RAB27A: variants seen among roughly 807,000 people sequenced by gnomAD.
RAB27A encodes ras-related protein Rab-27A.
A neutral mutation model predicts 20.8 loss-of-function variants in RAB27A; 17 were observed. The ratio of observed to expected loss-of-function variants is 0.82; its 90% CI spans 0.56 to 1.23. The LOEUF is 1.23. RAB27A is among the 50% of genes most tolerant of loss of function. The probability of loss-of-function intolerance (pLI) is 0.00; values close to 1 mark genes in which losing one functional copy is unlikely to be tolerated. For missense variants in RAB27A, 277 were observed against 266.7 expected, an observed-to-expected ratio of 1.04 and a Z score of -0.27; for synonymous variants, 85 against 92.8, an observed-to-expected ratio of 0.92 and a Z score of 0.48.
intron 1 of RAB27A, among the ~76,000 whole-genome samples, chr15:55,286,374 T>C (rs1006163959): frequency 6.6e-6 from 1 of 152,026 alleles, no homozygotes; most frequent in Non-Finnish European, 1.5e-5. Context: ...AAGACAAATG[T>C]TGTGTGTGTG....
At chr15:55,308,778 C>A (rs2055008493) in intron 2 of RAB27A, among the ~76,000 whole-genome samples, 1 of 152,238 alleles carries the variant, frequency 6.6e-6, no homozygotes, top group Non-Finnish European at 1.5e-5. Context: ...CACAAGTCTC[C>A]TTTAGCAGTC....
At chr15:55,247,128 G>A (rs1203806218) in intron 2 of RAB27A, among the ~76,000 whole-genome samples, 1 of 152,036 alleles carries the variant, frequency 6.6e-6, no homozygotes, top group African/African-American at 2.4e-5. Context: ...AGAATGGAGT[G>A]GAAATATTTC....
At chr15:55,251,594 C>G (rs1896892165) in intron 2 of RAB27A, among the ~76,000 whole-genome samples, 1 of 151,960 alleles carries the variant, frequency 6.6e-6, no homozygotes, top group African/African-American at 2.4e-5. Context: ...ATGGATGAAC[C>G]CTCAAAAGTC....
intron 6 of RAB27A, among the ~76,000 whole-genome samples, chr15:55,215,666 G>GTA (rs1895255134): frequency 9.1e-6 from 1 of 110,426 alleles, no homozygotes. Flanking sequence ...AAAAAAAAAA[G>GTA]AGTCATAACC....
rs549663211 is a variant in RAB27A, at chr15:55,215,480, G to A, written c.467+8409C>T. ...ATCCTGGCTAACACGGTGAAACCCCGTCTCTACTAAAAATACAAAAAATTA... is the reference window on the plus strand; with the variant it reads ...ATCCTGGCTAACACGGTGAAACCCCATCTCTACTAAAAATACAAAAAATTA... On this transcript the variant is annotated intron_variant, in intron 6 of 6. Coordinates refer to ENST00000336787, the MANE Select transcript of RAB27A (RefSeq NM_183235.3). 1.1e-3 allele frequency among the ~76,000 whole-genome samples: 161 copies of A among 150,510 alleles called. No homozygotes were observed. The South Asian group carries it at 0.012, about 11-fold the overall frequency.
At chr15:55,207,135 C>T (rs769460612) in intron 6 of RAB27A, among the ~76,000 whole-genome samples, 21 of 152,218 alleles carry the variant, frequency 1.4e-4, no homozygotes, top group Middle Eastern at 3.4e-3. Context: ...ATATAGAAAT[C>T]TCCCAATATT....
chr15:55,209,423 A>G (rs969159396), intron 6 of RAB27A, among the ~76,000 whole-genome samples: 1 of 152,132 alleles, frequency 6.6e-6, no homozygotes, highest in Non-Finnish European at 1.5e-5. Flanking sequence ...TATTTCACAT[A>G]ACATAATGAT....
intron 4 of RAB27A, among the ~76,000 whole-genome samples, chr15:55,229,994 T>G (rs1895967056): frequency 6.6e-6 from 1 of 152,172 alleles, no homozygotes. Context: ...TATATCAAGA[T>G]TTCATGTGGC....
intron 2 of RAB27A, among the ~76,000 whole-genome samples, chr15:55,247,739 A>T (rs1254204675): frequency 6.6e-6 from 1 of 152,144 alleles, no homozygotes; most frequent in African/African-American, 2.4e-5. Flanking sequence ...CAAATAATAA[A>T]AACAATTAGA....
chr15:55,298,055 A>G (rs2054956785), intron 2 of RAB27A, among the ~76,000 whole-genome samples: 1 of 151,938 alleles, frequency 6.6e-6, no homozygotes, highest in Non-Finnish European at 1.5e-5. Flanking sequence ...AATACAAAAA[A>G]TTAGCTGGGC....
At chr15:55,238,555 T>C (rs1896355504) in intron 2 of RAB27A, 1 of 152,194 alleles carries the variant, frequency 6.6e-6, no homozygotes, top group South Asian at 2.1e-4. Flanking sequence ...ATACTGTTTA[T>C]GGAGTGCCCA....
chr15:55,316,450 G>A (rs1001471982), intron 1 of RAB27A, among the ~76,000 whole-genome samples: 1 of 151,068 alleles, frequency 6.6e-6, no homozygotes, highest in African/African-American at 2.4e-5. Flanking sequence ...GCAAGGGGAG[G>A]GAGAGCATTA....
At chr15:55,209,659 G>GATAT (rs146014309) in intron 6 of RAB27A, among the ~76,000 whole-genome samples, 4 of 149,476 alleles carry the variant, frequency 2.7e-5, no homozygotes, top group Non-Finnish European at 5.9e-5. Context: ...TATCTTTTGG[G>GATAT]ATATATATAT....
Position 55,203,173 on chromosome 15 carries a change from G to T in RAB27A, c.*2334C>A, listed in dbSNP as rs886051304. ...GGCTTTTGTGTGTGCACTATATCAT[G>T]TATACACTTAATTGTATGTTTAAGG... On this transcript the variant is annotated 3_prime_UTR_variant, in exon 7 of 7. Transcript: ENST00000336787. 2.6e-5 allele frequency: 4 copies of T among 152,156 alleles called. No individual in the cohort carries two copies. The highest frequency in any genetic ancestry group is 4.4e-5 in the Non-Finnish European group (3 of 68,034). 9.4% of individuals were successfully genotyped at this position (152,156 alleles called of 1,614,324 possible).
intron 2 of RAB27A, among the ~76,000 whole-genome samples, chr15:55,261,574 CA>C (rs112209083): frequency 0.14 from 16,049 of 116,770 alleles, 1,061 homozygotes; most frequent in Admixed American, 0.23. Context: ...CTAAAAATAC[CA>C]AAAAAAAAAA....
intron 1 of RAB27A, among the ~76,000 whole-genome samples, chr15:55,314,540 T>C (rs1010990468): frequency 2.0e-5 from 3 of 152,250 alleles, no homozygotes; most frequent in African/African-American, 7.2e-5. Flanking sequence ...ACCCAAAAAC[T>C]CCTTAAGCTG....
rs565796379 is a variant in RAB27A at position 55,262,908 on chromosome 15, G to A, written c.-23+7257C>T. Among the ~76,000 whole-genome samples, 23 of 152,242 alleles carry A rather than the reference G, an allele frequency of 1.5e-4. No homozygotes were observed. The East Asian group carries it at 1.9e-3, about 13-fold the overall frequency. ...TTCACTGTTAAGAATGACATTTGCTGTAGATTTTTGGTACATATTTTTATC... is the reference window on the plus strand; with the variant it reads ...TTCACTGTTAAGAATGACATTTGCTATAGATTTTTGGTACATATTTTTATC... On this transcript the variant is annotated intron_variant, in intron 2 of 6. Transcript: ENST00000336787.
At chr15:55,296,561 GAAA>G (rs1321334575) in intron 2 of RAB27A, among the ~76,000 whole-genome samples, 1 of 152,194 alleles carries the variant, frequency 6.6e-6, no homozygotes, top group Non-Finnish European at 1.5e-5. Context: ...AGATGAGCCA[GAAA>G]GTAAAAGAGT....
chr15:55,272,036 T>C (rs1897723504), intron 1 of RAB27A, among the ~76,000 whole-genome samples: 1 of 152,166 alleles, frequency 6.6e-6, no homozygotes, highest in African/African-American at 2.4e-5. Context: ...AGTAAGAAAA[T>C]GTATCCAGAT....
Sources: gnomAD v4.1 joint callset for allele counts (sites outside exome capture counted in the v4.1 genomes callset) on GRCh38, gnomAD v4.1.1 for gene constraint, MANE v1.5 for transcripts, NCBI Gene and HGNC (gene_info 2026-07-23, HGNC 2026-07-21) for gene names.